GRID2: variants seen among roughly 807,000 people sequenced by gnomAD.
GRID2 encodes glutamate receptor ionotropic, delta-2.
Under a neutral mutation model 114.8 loss-of-function variants are expected in GRID2, and 33 were observed. The observed-to-expected ratio is 0.29, with a 90% confidence interval of 0.22 to 0.38. The LOEUF is 0.38. Among genes scored for constraint, GRID2 ranks in the 10% least tolerant of loss-of-function variants. The pLI is 1.00. For synonymous variants in GRID2, 505 were observed against 449.9 expected (o/e 1.12, Z -1.55); for missense variants, 1,184 against 1,257.7 (o/e 0.94, Z 0.89).
intron 1 of GRID2, among the ~76,000 whole-genome samples, chr4:92,544,783 T>C (rs571185947): frequency 6.6e-6 from 1 of 152,190 alleles, no homozygotes; most frequent in Non-Finnish European, 1.5e-5. Context: ...GAATAACACA[T>C]GCATAGTATT....
intron 14 of GRID2, among the ~76,000 whole-genome samples, chr4:93,714,890 C>T (rs1237291009): frequency 2.0e-5 from 3 of 152,134 alleles, no homozygotes; most frequent in Non-Finnish European, 4.4e-5. Flanking sequence ...TGTCTGTTCA[C>T]TCTGAGGATA....
chr4:93,286,462 C>G (rs1005279455), intron 8 of GRID2, among the ~76,000 whole-genome samples: 1 of 152,126 alleles, frequency 6.6e-6, no homozygotes, highest in Non-Finnish European at 1.5e-5. Flanking sequence ...ACTGCATACT[C>G]CTTCCAGGGT....
chr4:93,716,082 T>A (rs550224741), intron 14 of GRID2, among the ~76,000 whole-genome samples: 1 of 152,278 alleles, frequency 6.6e-6, no homozygotes, highest in South Asian at 2.1e-4. Context: ...TCAACCTTCT[T>A]ATTTCCTAGA....
At chr4:93,325,266 A>G (rs187905471) in intron 8 of GRID2, among the ~76,000 whole-genome samples, 142 of 151,970 alleles carry the variant, frequency 9.3e-4, no homozygotes, top group Middle Eastern at 3.4e-3. Context: ...CGACCATAAT[A>G]TTTTAAAATG....
intron 13 of GRID2, among the ~76,000 whole-genome samples, chr4:93,536,742 G>T (rs1732127647): frequency 6.6e-6 from 1 of 150,568 alleles, no homozygotes; most frequent in African/African-American, 2.4e-5. Flanking sequence ...TGCTGGTCAT[G>T]GCTGAAAAAG....
At chr4:93,051,476 C>A (rs977573870) in intron 2 of GRID2, among the ~76,000 whole-genome samples, 33 of 151,778 alleles carry the variant, frequency 2.2e-4, no homozygotes, top group African/African-American at 7.5e-4. Flanking sequence ...TTTTTGTTTC[C>A]TTTTTATCAG....
intron 13 of GRID2, among the ~76,000 whole-genome samples, chr4:93,520,740 C>A (rs1374184880): frequency 2.6e-5 from 4 of 152,144 alleles, no homozygotes; most frequent in Admixed American, 2.6e-4. Flanking sequence ...AGCTAAATTT[C>A]TCACATTCCT....
chr4:93,608,311 A>ATCT (rs1740523663), intron 13 of GRID2, among the ~76,000 whole-genome samples: 7 of 116,180 alleles, frequency 6.0e-5, no homozygotes, highest in African/African-American at 2.3e-4. Flanking sequence ...TTTTTTTTTA[A>ATCT]TTTTTTTTTT....
chr4:92,585,600 T>C (rs1343613574), intron 1 of GRID2, among the ~76,000 whole-genome samples: 1 of 151,996 alleles, frequency 6.6e-6, no homozygotes, highest in Non-Finnish European at 1.5e-5. Context: ...AAGGTTGTTA[T>C]AGAATATGTA....
At chr4:92,935,321 A>C (rs1750579197) in intron 2 of GRID2, among the ~76,000 whole-genome samples, 1 of 147,422 alleles carries the variant, frequency 6.8e-6, no homozygotes. Context: ...AATGCAAATC[A>C]AAACCACAAT....
chr4:92,487,346 A>G (rs1249810607), intron 1 of GRID2, among the ~76,000 whole-genome samples: 1 of 151,932 alleles, frequency 6.6e-6, no homozygotes, highest in Non-Finnish European at 1.5e-5. Flanking sequence ...TATGTTTACC[A>G]TCTAGTGCTC....
intron 1 of GRID2, among the ~76,000 whole-genome samples, chr4:92,423,993 C>G (rs981733335): frequency 3.3e-5 from 5 of 152,078 alleles, no homozygotes; most frequent in Non-Finnish European, 7.4e-5. Context: ...CTATGCTCTT[C>G]AAGTAGTGTT....
At chr4:92,636,777 C>T (rs1023273596) in intron 2 of GRID2, among the ~76,000 whole-genome samples, 8 of 152,042 alleles carry the variant, frequency 5.3e-5, no homozygotes, top group African/African-American at 1.4e-4. Context: ...AATTTGACTT[C>T]ACACATCACA....
chr4:92,836,273 C>G (rs545076054), intron 2 of GRID2, among the ~76,000 whole-genome samples: 1 of 152,158 alleles, frequency 6.6e-6, no homozygotes, highest in East Asian at 1.9e-4. Context: ...TGATTTTTAG[C>G]ACAGTGGAAA....
At chr4:93,561,145 A>G (rs2149563308) in intron 13 of GRID2, among the ~76,000 whole-genome samples, 1 of 152,236 alleles carries the variant, frequency 6.6e-6, no homozygotes, top group East Asian at 1.9e-4. Context: ...GGAATGGACA[A>G]AATAATATTG....
intron 14 of GRID2, among the ~76,000 whole-genome samples, chr4:93,753,475 T>C (rs1732496948): frequency 6.6e-6 from 1 of 152,182 alleles, no homozygotes; most frequent in South Asian, 2.1e-4. Flanking sequence ...GTATATCTTC[T>C]AGTGCTATCC....
chr4:92,571,696 G>A lies in GRID2; in HGVS notation c.89-18435G>A, dbSNP rs1268555163. On this transcript the variant is annotated intron_variant, in intron 1 of 15. Transcript: ENST00000282020. ...ATAACAAACTGTCTCTCAGACCACA[G>A]TGCAATCAAACTAGAACTCAGGATT... Among the ~76,000 whole-genome samples the A allele has an allele frequency of 2.0e-5, 3 of 152,084 alleles. No homozygotes were observed. In the East Asian group the frequency reaches 5.8e-4, roughly 29 times the overall value.
chr4:93,119,580 A>C (rs560657289), intron 4 of GRID2, among the ~76,000 whole-genome samples: 1 of 152,298 alleles, frequency 6.6e-6, no homozygotes, highest in African/African-American at 2.4e-5. Context: ...CTACTGTTCC[A>C]TGACATCCTT....
intron 11 of GRID2, among the ~76,000 whole-genome samples, chr4:93,479,497 T>C (rs1326165195): frequency 6.6e-6 from 1 of 151,978 alleles, no homozygotes; most frequent in Non-Finnish European, 1.5e-5. Flanking sequence ...ACCTAGAGAT[T>C]CTGAAACACT....
Sources: allele counts gnomAD v4.1 joint callset (sites outside exome capture counted in the v4.1 genomes callset), GRCh38; gene constraint gnomAD v4.1.1; transcripts MANE v1.5; gene names NCBI Gene and HGNC (gene_info 2026-07-23, HGNC 2026-07-21).